The following PADI6 variants were observed in gnomAD, a reference collection of about 807,000 sequenced individuals.
PADI6 encodes the protein peptidyl arginine deiminase 6.
In PADI6, 66 loss-of-function variants were observed where a neutral mutation model predicts 78.2. The observed-to-expected ratio is 0.84, with a 90% CI of 0.69 to 1.04. The LOEUF is 1.04. Among genes scored for constraint, PADI6 ranks in the 50% least tolerant of loss-of-function variants. The pLI is 0.00. For synonymous variants in PADI6, 397 were observed against 346.9 expected (o/e 1.14, Z -1.60); for missense variants, 854 against 866.1 (o/e 0.99, Z 0.18).
intron 11 of PADI6, 107 bp from the exon 12 acceptor site, chr1:17,394,844 C>A: frequency 1.5e-6 from 2 of 1,342,438 alleles, no homozygotes; most frequent in South Asian, 1.5e-5. Flanking sequence ...GCCTCTTTCA[C>A]ACAACGGTCA....
At position 17,382,061 on chromosome 1, in the gene PADI6, G is replaced by A. The variant is rs776420072; in HGVS notation, c.648G>A (p.Glu216=). The change falls in exon 6 of 16, where the codon GAG becomes GAA. Residue 216 remains glutamate, a synonymous_variant. Transcript: ENST00000619609. ...TAGTCCTCCATACCTCCAAGGAAGA[G>A]TCGAAGAAGGCGAGAGTCTACTGGC... ...YRLVLHTSKE[E]SKKARVYWPQ... 5 of 1,614,004 alleles carry A rather than the reference G, an allele frequency of 3.1e-6. No homozygotes were observed. The highest frequency in any genetic ancestry group is 1.6e-4 in the Middle Eastern group (1 of 6,062).
Position 17,393,968 on chromosome 1 carries a change from A to G in PADI6, c.1075-7A>G, listed in dbSNP as rs768459705. On this transcript the variant is annotated splice_polypyrimidine_tract_variant and splice_region_variant and intron_variant, in intron 9 of 15. Transcript: ENST00000619609. ...TGGCAAACAATCTGTCTTCCTCTCC[A>G]TTCCAGGATGAGATGGCCTTCTGCT... The G allele has an allele frequency of 1.2e-6, 2 of 1,612,232 alleles. No homozygotes were observed. Among genetic ancestry groups the G allele is most frequent in the East Asian group, 4.5e-5 (2 of 44,854 alleles).
intron 8 of PADI6, among the ~76,000 whole-genome samples, chr1:17,391,203 C>T (rs116123205): frequency 1.6e-5 from 2 of 124,652 alleles, no homozygotes; most frequent in African/African-American, 5.6e-5. Context: ...CTGTTTGTTC[C>T]GTTTGTTTAA....
At chr1:17,377,524 C>T (rs1301182885) in intron 3 of PADI6, among the ~76,000 whole-genome samples, 1 of 152,178 alleles carries the variant, frequency 6.6e-6, no homozygotes, top group Non-Finnish European at 1.5e-5. Flanking sequence ...AGCATGATCG[C>T]TTCGGTGTCT....
chr1:17,375,538 A>G (rs375773152), intron 3 of PADI6, 39 bp downstream of exon 3: 12 of 1,522,942 alleles, frequency 7.9e-6, no homozygotes, highest in Non-Finnish European at 1.1e-5. Flanking sequence ...GGCCCAACTC[A>G]CCGCTGGGGT....
chr1:17,398,675 C>G lies in PADI6; in HGVS notation c.1690-11C>G, dbSNP rs2075271704. ...CCCCGCCCCCCCCCCCACCCACCCA[C>G]CCACCCACAGAAGTGCATTCACCTG... is the stretch of plus-strand genomic sequence containing the variant. On this transcript the variant is annotated splice_polypyrimidine_tract_variant and intron_variant, in intron 14 of 15. Transcript: ENST00000619609. 5.8e-6 allele frequency: 2 copies of G among 345,492 alleles called. 1 individual carries two copies. Among genetic ancestry groups the G allele is most frequent in the Non-Finnish European group, 9.8e-6 (2 of 204,116 alleles). 21.4% of individuals were successfully genotyped at this position (345,492 alleles called of 1,614,324 possible).
At position 17,382,112 on chromosome 1, in the gene PADI6, C is replaced by T. The variant is rs2075078537; in HGVS notation, c.679+20C>T. On this transcript the variant is annotated intron_variant, in intron 6 of 15. Transcript: ENST00000619609. ...CCCAAAGTGAGTGTTCTTGTGCCAG[C>T]TCCAGCTTTGCCTGCTCTCGACGTG... The T allele has an allele frequency of 6.2e-7, 1 of 1,612,028 alleles. No individual in the cohort carries two copies.
chr1:17,394,241 A>G, intron 10 of PADI6, 59 bp from the exon 11 acceptor site: 1 of 1,593,414 alleles, frequency 6.3e-7, no homozygotes, highest in East Asian at 2.2e-5. Flanking sequence ...TAGGGATAAG[A>G]CTGGGGCCTA....
At chr1:17,399,332 C>A (rs1302913903) in intron 15 of PADI6, among the ~76,000 whole-genome samples, 4 of 152,352 alleles carry the variant, frequency 2.6e-5, no homozygotes, top group South Asian at 2.1e-4. Flanking sequence ...GGCGCAGTGG[C>A]TCATGCCTGT....
Position 17,381,986 on chromosome 1 carries a change from G to C in PADI6, c.573G>C (p.Gln191His). The C allele has an allele frequency of 6.2e-7, 1 of 1,613,950 alleles. No individual in the cohort carries two copies. Among genetic ancestry groups the C allele is most frequent in the South Asian group, 1.1e-5 (1 of 91,080 alleles). ...IFSEEITNLSQMTLNVQGPSC... is the reference protein window; with the variant it reads ...IFSEEITNLSHMTLNVQGPSC... ...GCCCAGAAATAACGAATCTGTCCCAGATGACTCTGAATGTCCAAGGCCCCA... is the reference window on the plus strand; with the variant it reads ...GCCCAGAAATAACGAATCTGTCCCACATGACTCTGAATGTCCAAGGCCCCA... The change falls in exon 6 of 16, where the codon CAG (glutamine) becomes CAC (histidine). Residue 191 changes from glutamine to histidine, a missense_variant. Gln to His is a conservative substitution (Grantham distance 24). Transcript: ENST00000619609.
At chr1:17,390,633 C>T (rs2075172856) in intron 8 of PADI6, among the ~76,000 whole-genome samples, 1 of 151,662 alleles carries the variant, frequency 6.6e-6, no homozygotes, top group Admixed American at 6.6e-5. Context: ...ACCCCTCTTC[C>T]AGGCTCCGTG....
Position 17,372,253 on chromosome 1 carries a change from G to A in PADI6, c.8G>A (p.Ser3Asn). Residue 3 changes from serine (S) to asparagine (N), a missense_variant, in exon 1 of 16, where the codon AGC becomes AAC. Transcript: ENST00000619609. MV[S>N]VEGRAMSFQS... Reference sequence around the variant, plus strand: ...TGCGGTGCAGGCCTGAGGATGGTCAGCGTGGAGGGCCGAGCCATGTCCTTC... The same window carrying A: ...TGCGGTGCAGGCCTGAGGATGGTCAACGTGGAGGGCCGAGCCATGTCCTTC... 2 of 1,613,946 alleles carry A rather than the reference G, an allele frequency of 1.2e-6. No homozygotes were observed. Among genetic ancestry groups the A allele is most frequent in the Non-Finnish European group, 1.7e-6 (2 of 1,179,848 alleles).
At position 17,397,114 on chromosome 1, in the gene PADI6, C is replaced by T; in HGVS notation, c.1662C>T (p.Ser554=). The stretch of plus-strand genomic sequence containing the variant: ...TCGACCAACTTCTGGCTGATGAAAG[C>T]CTGAAGAAGCAGAATGAATACGTGG... The part of the protein sequence containing the change: ...KTIDQLLADE[S]LKKQNEYVEK... Residue 554 remains serine (S), a synonymous_variant, in exon 14 of 16, where the codon AGC becomes AGT. Coordinates refer to ENST00000619609, the MANE Select transcript of PADI6 (RefSeq NM_207421.4). 1.2e-6 allele frequency: 2 copies of T among 1,613,918 alleles called. No individual in the cohort carries two copies. Among genetic ancestry groups the T allele is most frequent in the Non-Finnish European group, 1.7e-6 (2 of 1,179,860 alleles).
chr1:17,394,913 C>CA, intron 11 of PADI6, 38 bp from the exon 12 acceptor site: 1 of 1,545,010 alleles, frequency 6.5e-7, no homozygotes, highest in Non-Finnish European at 8.7e-7. Flanking sequence ...CCCTGGGCCA[C>CA]ACTGGCTCAA....
In PADI6 at chr1:17,401,599, C is replaced by A; in HGVS notation, c.*161C>A. 1.5e-6 allele frequency: 1 copy of A among 658,088 alleles called. No homozygotes were observed. The highest frequency in any genetic ancestry group is 2.6e-6 in the Non-Finnish European group (1 of 389,994). 40.8% of individuals were successfully genotyped at this position (658,088 alleles called of 1,614,324 possible). On this transcript the variant is annotated 3_prime_UTR_variant, in exon 16 of 16. Coordinates refer to ENST00000619609, the MANE Select transcript of PADI6 (RefSeq NM_207421.4). ...CCGACCCTCGGACCCAGTAGGATGG[C>A]AAATGCCGCCAGCTTGAACCCCTAT...
At chr1:17,395,223 T>G in intron 12 of PADI6, 116 bp downstream of exon 12, 1 of 1,334,036 alleles carries the variant, frequency 7.5e-7, no homozygotes, top group East Asian at 2.4e-5. Context: ...TTGTTTGTTT[T>G]TTGAGAGTCT....
intron 3 of PADI6, among the ~76,000 whole-genome samples, chr1:17,375,843 TTTC>T (rs1309043423): frequency 1.3e-5 from 2 of 152,202 alleles, no homozygotes; most frequent in African/African-American, 2.4e-5. Flanking sequence ...AAAGTTAGTC[TTTC>T]TTGTCTCACT....
intron 14 of PADI6, among the ~76,000 whole-genome samples, chr1:17,398,220 C>T (rs1286051077): frequency 2.0e-5 from 3 of 152,184 alleles, no homozygotes; most frequent in African/African-American, 7.2e-5. Context: ...GCAAGAACAG[C>T]CCCCCTGGCA....
At chr1:17,397,868 C>A (rs2075261704) in intron 14 of PADI6, among the ~76,000 whole-genome samples, 1 of 152,138 alleles carries the variant, frequency 6.6e-6, no homozygotes, top group Non-Finnish European at 1.5e-5. Flanking sequence ...AGCTCCGCAG[C>A]CTCCTTGAAG....
Sources: allele counts gnomAD v4.1 joint callset (sites outside exome capture counted in the v4.1 genomes callset), GRCh38; gene constraint gnomAD v4.1.1; transcripts MANE v1.5; gene names NCBI Gene and HGNC (gene_info 2026-07-23, HGNC 2026-07-21).